SAMD12: variants seen among roughly 807,000 people sequenced by gnomAD.
The protein encoded by SAMD12 is sterile alpha motif domain containing 12, also known as sterile alpha motif domain-containing protein 12.
SAMD12 carries 9 observed loss-of-function variants against 15.0 expected under a neutral mutation model. The ratio of observed to expected loss-of-function variants is 0.60; its 90% confidence interval spans 0.36 to 1.05. The LOEUF is 1.05. Among genes scored for constraint, SAMD12 ranks in the 50% least tolerant of loss-of-function variants. The pLI, the probability that SAMD12 is intolerant of heterozygous loss-of-function variation, is 0.01. For missense variants in SAMD12, 230 were observed against 234.2 expected (o/e 0.98, Z 0.12); for synonymous variants, 86 against 90.1 (o/e 0.96, Z 0.25).
At chr8:118,504,261 C>T (rs956874662) in intron 2 of SAMD12, among the ~76,000 whole-genome samples, 2 of 152,180 alleles carry the variant, frequency 1.3e-5, no homozygotes, top group African/African-American at 4.8e-5. Flanking sequence ...CTCTCCTAGA[C>T]CAGGCATCAT....
chr8:118,546,504 T>A (rs1826129651), intron 2 of SAMD12, among the ~76,000 whole-genome samples: 1 of 151,876 alleles, frequency 6.6e-6, no homozygotes, highest in South Asian at 2.1e-4. Context: ...GATCAACAGA[T>A]CTGCTTTCAG....
intron 4 of SAMD12, among the ~76,000 whole-genome samples, chr8:118,250,848 C>G (rs1247769244): frequency 6.6e-6 from 1 of 151,980 alleles, no homozygotes; most frequent in Admixed American, 6.6e-5. Context: ...TTGTTTTCCT[C>G]TAAGCTGTGA....
chr8:118,456,386 T>G (rs1353357396), intron 2 of SAMD12, among the ~76,000 whole-genome samples: 1 of 152,194 alleles, frequency 6.6e-6, no homozygotes, highest in Non-Finnish European at 1.5e-5. Flanking sequence ...ACTATATCCC[T>G]TATGGTGATC....
chr8:118,606,354 T>A (rs1295641517), intron 1 of SAMD12, among the ~76,000 whole-genome samples: 1 of 152,170 alleles, frequency 6.6e-6, no homozygotes, highest in Non-Finnish European at 1.5e-5. Context: ...ATGAATTATG[T>A]GACCTTGGGT....
chr8:118,470,834 G>T lies in SAMD12; in HGVS notation c.193-30873C>A, dbSNP rs182684732. ...AAAGAGTTCTTGTAGTCTTTTAGGG[G>T]TATCTTCTCAGGAAAAATTAAAGAG... On this transcript the variant is annotated intron_variant, in intron 2 of 3. Coordinates refer to ENST00000314727, the MANE Select transcript of SAMD12 (RefSeq NM_207506.3). Among the ~76,000 whole-genome samples, 1,039 of 152,242 alleles carry T rather than the reference G, an allele frequency of 6.8e-3. 9 individuals carry two copies. The highest frequency in any genetic ancestry group is 0.027 in the Middle Eastern group (8 of 294).
chr8:118,497,849 AT>A (rs1824671426), intron 2 of SAMD12, among the ~76,000 whole-genome samples: 1 of 152,194 alleles, frequency 6.6e-6, no homozygotes, highest in Non-Finnish European at 1.5e-5. Flanking sequence ...GTTTTCAGAC[AT>A]GTAAAAATGG....
chr8:118,232,094 T>C (rs1344301625), intron 4 of SAMD12, among the ~76,000 whole-genome samples: 1 of 152,180 alleles, frequency 6.6e-6, no homozygotes, highest in Non-Finnish European at 1.5e-5. Flanking sequence ...GGAGCTTTCA[T>C]ATATCTTTTT....
intron 3 of SAMD12, among the ~76,000 whole-genome samples, chr8:118,425,690 C>T (rs550130145): frequency 1.8e-4 from 28 of 152,142 alleles, no homozygotes; most frequent in Non-Finnish European, 3.7e-4. Flanking sequence ...GTGTCATTAT[C>T]ACAGGAGACT....
chr8:118,453,318 C>T (rs981627274), intron 2 of SAMD12, among the ~76,000 whole-genome samples: 1 of 151,940 alleles, frequency 6.6e-6, no homozygotes, highest in Admixed American at 6.6e-5. Context: ...CAATGCTGGG[C>T]TAATTAGTCT....
the SAMD12 span, among the ~76,000 whole-genome samples, chr8:118,135,189 G>GT: frequency 3.3e-5 from 5 of 151,598 alleles, no homozygotes; most frequent in Admixed American, 2.0e-4. Context: ...TTTCTTTTTT[G>GT]TTTTTTTTCT....
chr8:118,269,218 C>CTGTG (rs1258701987), intron 4 of SAMD12, among the ~76,000 whole-genome samples: 1 of 115,694 alleles, frequency 8.6e-6, no homozygotes, highest in East Asian at 3.4e-4. Context: ...CTCTCTCTCT[C>CTGTG]TCTGTGTGTG....
chr8:118,246,404 G>A (rs1286275451), intron 4 of SAMD12, among the ~76,000 whole-genome samples: 1 of 152,126 alleles, frequency 6.6e-6, no homozygotes, highest in Non-Finnish European at 1.5e-5. Context: ...AGATATCAGT[G>A]AAGAAACTTG....
At chr8:118,499,877 C>T (rs1384022893) in intron 2 of SAMD12, among the ~76,000 whole-genome samples, 1 of 152,100 alleles carries the variant, frequency 6.6e-6, no homozygotes, top group Non-Finnish European at 1.5e-5. Context: ...GGGTAGCCAA[C>T]ATCTACAGAA....
At chr8:118,384,284 C>G (rs1354344535) in intron 3 of SAMD12, among the ~76,000 whole-genome samples, 2 of 152,134 alleles carry the variant, frequency 1.3e-5, no homozygotes, top group Non-Finnish European at 2.9e-5. Flanking sequence ...TTTTACTCTT[C>G]TGAATATGGA....
chr8:118,365,214 T>G (rs939857431), intron 4 of SAMD12, among the ~76,000 whole-genome samples: 3 of 152,184 alleles, frequency 2.0e-5, no homozygotes, highest in Admixed American at 1.3e-4. Context: ...TTCTTCATGC[T>G]CCTGGAACAC....
At position 118,367,333 on chromosome 8, in the gene SAMD12, G is replaced by T. The variant is rs558033252; in HGVS notation, c.433+12227C>A. On this transcript the variant is annotated intron_variant, in intron 4 of 4. Coordinates refer to the SAMD12 transcript ENST00000409003. ...CTTCTTATCCAGTCCACATGTCAATGTTCTAAATCAACTGACTCTCTAAAA... is the reference window on the plus strand; with the variant it reads ...CTTCTTATCCAGTCCACATGTCAATTTTCTAAATCAACTGACTCTCTAAAA... 3.9e-5 allele frequency among the ~76,000 whole-genome samples: 6 copies of T among 152,304 alleles called. No homozygotes were observed. In the East Asian group the frequency reaches 7.7e-4, roughly 20 times the overall value.
intron 2 of SAMD12, among the ~76,000 whole-genome samples, chr8:118,467,703 A>C (rs1823636950): frequency 6.6e-6 from 1 of 152,200 alleles, no homozygotes; most frequent in Non-Finnish European, 1.5e-5. Context: ...CACAGGTCAA[A>C]CGTGCTAGTT....
chr8:118,538,012 A>T (rs1825893515), intron 2 of SAMD12, among the ~76,000 whole-genome samples: 1 of 152,186 alleles, frequency 6.6e-6, no homozygotes, highest in Non-Finnish European at 1.5e-5. Context: ...CCACATCTGC[A>T]CTAGGGAGCA....
At chr8:118,399,626 G>A (rs117742352) in intron 3 of SAMD12, among the ~76,000 whole-genome samples, 3 of 152,238 alleles carry the variant, frequency 2.0e-5, no homozygotes, top group East Asian at 3.9e-4. Context: ...CAGAGGTCTC[G>A]TTGTGGCTGA....
Sources: gnomAD v4.1 joint callset for allele counts (sites outside exome capture counted in the v4.1 genomes callset) on GRCh38, gnomAD v4.1.1 for gene constraint, MANE v1.5 for transcripts, NCBI Gene and HGNC (gene_info 2026-07-23, HGNC 2026-07-21) for gene names.